The following FAF2 variants were observed in gnomAD, a reference collection of about 807,000 sequenced individuals.
FAF2 encodes the protein FAS-associated factor 2.
Under a neutral mutation model 62.3 loss-of-function variants are expected in FAF2, and 9 were observed. That is an observed-to-expected ratio of 0.14 (90% confidence interval 0.09 to 0.25). The LOEUF is 0.25. Ranked by LOEUF, FAF2 falls within the 10% of genes least tolerant of loss-of-function variation. FAF2 has a pLI of 1.00. For synonymous variants in FAF2, 202 were observed against 198.0 expected (o/e 1.02, Z -0.17); for missense variants, 368 against 556.2 (o/e 0.66, Z 3.40).
chr5:176,474,573 A>G (rs1252049804), intron 1 of FAF2, among the ~76,000 whole-genome samples: 5 of 152,168 alleles, frequency 3.3e-5, no homozygotes, highest in African/African-American at 1.2e-4. Context: ...TACATACATT[A>G]AGGTTCACTC....
intron 3 of FAF2, among the ~76,000 whole-genome samples, chr5:176,488,134 C>A (rs1338856625): frequency 6.6e-6 from 1 of 152,118 alleles, no homozygotes; most frequent in East Asian, 1.9e-4. Flanking sequence ...TGAGCCACCA[C>A]ACCCAGCTAA....
At chr5:176,466,981 A>G (rs1230222707) in intron 1 of FAF2, among the ~76,000 whole-genome samples, 1 of 152,190 alleles carries the variant, frequency 6.6e-6, no homozygotes, top group Admixed American at 6.5e-5. Context: ...AATTAAATGC[A>G]GTGCTCTCCA....
chr5:176,491,045 A>G (rs1758963828), intron 4 of FAF2, among the ~76,000 whole-genome samples: 1 of 152,238 alleles, frequency 6.6e-6, no homozygotes, highest in Non-Finnish European at 1.5e-5. Flanking sequence ...AGAATTGTAT[A>G]CACAGGGGGA....
chr5:176,477,168 A>G (rs1251208425), intron 1 of FAF2, among the ~76,000 whole-genome samples: 7 of 115,996 alleles, frequency 6.0e-5, no homozygotes, highest in Non-Finnish European at 9.9e-5. Flanking sequence ...GATGGTCTGG[A>G]TCTCCTGACC....
intron 1 of FAF2, among the ~76,000 whole-genome samples, chr5:176,451,880 ATATATATATATATTTTTTTTTTTT>A (rs1561813639): frequency 4.4e-5 from 1 of 22,644 alleles, no homozygotes; most frequent in Non-Finnish European, 7.7e-5. Flanking sequence ...ACACACATAT[ATATATATATATATTTTTTTTTTTT>A]TTTTTTTTTT....
Position 176,507,007 on chromosome 5 carries a change from G to T in FAF2, c.*57G>T. The T allele has an allele frequency of 9.3e-6, 11 of 1,183,658 alleles. No homozygotes were observed. Among genetic ancestry groups the T allele is most frequent in the Admixed American group, 3.1e-5 (1 of 32,592 alleles). 73.3% of individuals were successfully genotyped at this position (1,183,658 alleles called of 1,614,324 possible). On this transcript the variant is annotated 3_prime_UTR_variant, in exon 11 of 11. Transcript: ENST00000261942. Reference sequence around the variant, plus strand: ...GTCCCTAAAAGAAATGGGGAAAAAAGAAAACAACAGCAAGTCAGAAAAAAA... The same window carrying T: ...GTCCCTAAAAGAAATGGGGAAAAAATAAAACAACAGCAAGTCAGAAAAAAA...
intron 5 of FAF2, among the ~76,000 whole-genome samples, 166 bp downstream of exon 5, chr5:176,492,498 C>G (rs1561826228): frequency 6.6e-6 from 1 of 152,108 alleles, no homozygotes; most frequent in South Asian, 2.1e-4. Flanking sequence ...TTTAGCTGGC[C>G]CCTCTTTGAT....
chr5:176,477,932 G>C (rs1470179996), intron 1 of FAF2, among the ~76,000 whole-genome samples: 2 of 152,214 alleles, frequency 1.3e-5, no homozygotes, highest in African/African-American at 4.8e-5. Flanking sequence ...TGGTTGTTTA[G>C]AGGAGTTTCT....
chr5:176,497,187 G>A lies in FAF2; in HGVS notation c.839+524G>A, dbSNP rs1755510412. Among the ~76,000 whole-genome samples, 4 of 152,044 alleles carry A rather than the reference G, an allele frequency of 2.6e-5. No individual in the cohort carries two copies. The South Asian group carries it at 8.3e-4, about 32-fold the overall frequency. ...AATGAATAAACAAAGACAGGCCTCT[G>A]TGCTCAAGAATGTATATTGTGGCAT... On this transcript the variant is annotated intron_variant, in intron 8 of 10. Transcript: ENST00000261942.
intron 10 of FAF2, among the ~76,000 whole-genome samples, chr5:176,505,013 ACCT>A (rs1755652398): frequency 2.0e-5 from 3 of 149,210 alleles, no homozygotes; most frequent in South Asian, 2.1e-4. Flanking sequence ...ACAGAGCAAG[ACCT>A]GTCTGGGAAA....
At position 176,484,719 on chromosome 5, in the gene FAF2, C is replaced by T. The variant is rs570303869; in HGVS notation, c.133-1636C>T. On this transcript the variant is annotated intron_variant, in intron 2 of 10. Transcript: ENST00000261942. ...CAGCCTGGCCAAGATGGTGAAACCC[C>T]GTCTCTACTAAAAATACAAAAATTA... Among the ~76,000 whole-genome samples the T allele has an allele frequency of 2.0e-4, 30 of 152,062 alleles. No homozygotes were observed. The South Asian group carries it at 3.9e-3, about 20-fold the overall frequency.
intron 1 of FAF2, among the ~76,000 whole-genome samples, chr5:176,468,957 A>G (rs1252160305): frequency 2.0e-5 from 3 of 151,950 alleles, no homozygotes; most frequent in African/African-American, 7.3e-5. Flanking sequence ...AATATAAAAA[A>G]TTTTAGGCTG....
intron 1 of FAF2, among the ~76,000 whole-genome samples, chr5:176,472,719 C>CAAAA (rs66911150): frequency 1.8e-5 from 2 of 108,518 alleles, no homozygotes; most frequent in Non-Finnish European, 3.9e-5. Flanking sequence ...TTCATCTCTA[C>CAAAA]AAAAAAAAAA....
chr5:176,490,328 A>G (rs1758952686), intron 4 of FAF2, among the ~76,000 whole-genome samples: 1 of 151,154 alleles, frequency 6.6e-6, no homozygotes, highest in South Asian at 2.1e-4. Flanking sequence ...AAAAAAAGAA[A>G]AAGAAAAGAA....
chr5:176,506,741 C>G, intron 10 of FAF2, 27 bp from the exon 11 acceptor site: 1 of 1,598,872 alleles, frequency 6.3e-7, no homozygotes, highest in Non-Finnish European at 8.6e-7. Flanking sequence ...TTCTCACCAC[C>G]CTTCTTTTTC....
intron 5 of FAF2, 59 bp downstream of exon 5, chr5:176,492,391 G>A (rs1183421971): frequency 9.7e-6 from 15 of 1,543,112 alleles, no homozygotes; most frequent in East Asian, 7.0e-5. Context: ...CCTCAAAGGA[G>A]AGCACAGCCC....
chr5:176,481,491 A>G (rs1034800134), intron 2 of FAF2, among the ~76,000 whole-genome samples: 1 of 152,060 alleles, frequency 6.6e-6, no homozygotes, highest in Non-Finnish European at 1.5e-5. Context: ...CCCTGTCTCT[A>G]CTAAAAATAT....
chr5:176,502,059 A>G (rs747513529), intron 10 of FAF2, among the ~76,000 whole-genome samples: 1 of 151,584 alleles, frequency 6.6e-6, no homozygotes, highest in Non-Finnish European at 1.5e-5. Flanking sequence ...ACCTGGCCCC[A>G]TGTCTCTAAC....
At chr5:176,478,712 T>G (rs1280097521) in intron 1 of FAF2, among the ~76,000 whole-genome samples, 1 of 152,224 alleles carries the variant, frequency 6.6e-6, no homozygotes, top group Non-Finnish European at 1.5e-5. Flanking sequence ...TATTTACGTT[T>G]TACTGAATGA....
Sources: allele counts gnomAD v4.1 joint callset (sites outside exome capture counted in the v4.1 genomes callset), GRCh38; gene constraint gnomAD v4.1.1; transcripts MANE v1.5; gene names NCBI Gene and HGNC (gene_info 2026-07-23, HGNC 2026-07-21).